Variants in CDH18 observed in about 807,000 individuals in gnomAD.
The protein encoded by CDH18 is cadherin-18.
A neutral mutation model predicts 67.9 loss-of-function variants in CDH18; 31 were observed. The observed-to-expected ratio is 0.46, with a 90% CI of 0.34 to 0.62. CDH18 has a LOEUF of 0.62. Among genes scored for constraint, CDH18 ranks in the 20% least tolerant of loss-of-function variants. The pLI, the probability that CDH18 is intolerant of heterozygous loss-of-function variation, is 0.01. For synonymous variants in CDH18, 362 were observed against 347.2 expected (o/e 1.04, Z -0.48); for missense variants, 890 against 975.5 (o/e 0.91, Z 1.17).
chr5:19,715,462 A>G (rs1206086047), intron 5 of CDH18, among the ~76,000 whole-genome samples: 1 of 152,160 alleles, frequency 6.6e-6, no homozygotes, highest in Non-Finnish European at 1.5e-5. Flanking sequence ...AGAGCATGGC[A>G]GTTTACCTCA....
intron 1 of CDH18, among the ~76,000 whole-genome samples, chr5:20,464,004 A>G (rs893560018): frequency 2.0e-5 from 3 of 152,128 alleles, no homozygotes; most frequent in Non-Finnish European, 2.9e-5. Context: ...AACAAAAACC[A>G]TGCCTTTATC....
chr5:20,501,567 ATAAT>A (rs1281724050), intron 1 of CDH18, among the ~76,000 whole-genome samples: 1 of 14,336 alleles, frequency 7.0e-5, no homozygotes, highest in African/African-American at 1.3e-4. Flanking sequence ...ATATATATAT[ATAAT>A]ATATATATAT....
chr5:20,560,466 C>CAT (rs1441773380), intron 1 of CDH18, among the ~76,000 whole-genome samples: 1 of 112,340 alleles, frequency 8.9e-6, no homozygotes, highest in Non-Finnish European at 1.8e-5. Context: ...CCCCAACACT[C>CAT]ATACACACAC....
At chr5:20,231,135 T>A (rs530570246) in intron 2 of CDH18, among the ~76,000 whole-genome samples, 1 of 152,326 alleles carries the variant, frequency 6.6e-6, no homozygotes, top group East Asian at 1.9e-4. Flanking sequence ...AAATAACTCT[T>A]ATCTACAAAA....
chr5:19,646,042 G>A lies in CDH18; in HGVS notation c.644-33441C>T, dbSNP rs575008962. On this transcript the variant is annotated intron_variant, in intron 5 of 12. Transcript: ENST00000382275. ...GATGACATGGAGATCTTCAATGTGA[G>A]GCCATCATGTCTCTACCTAAGACAG... Among the ~76,000 whole-genome samples, 3 of 152,180 alleles carry A rather than the reference G, an allele frequency of 2.0e-5. No homozygotes were observed. In the East Asian group the frequency reaches 5.8e-4, roughly 30 times the overall value.
intron 1 of CDH18, among the ~76,000 whole-genome samples, chr5:20,255,875 AT>A (rs2126613580): frequency 1.3e-5 from 2 of 149,310 alleles, no homozygotes; most frequent in African/African-American, 4.8e-5. Flanking sequence ...AATATAAACT[AT>A]TTTAGTGATT....
intron 2 of CDH18, among the ~76,000 whole-genome samples, chr5:19,861,602 G>T (rs1784919285): frequency 6.6e-6 from 1 of 152,134 alleles, no homozygotes; most frequent in Non-Finnish European, 1.5e-5. Flanking sequence ...ACAGAGTAGA[G>T]AGAGTGGTAC....
intron 2 of CDH18, among the ~76,000 whole-genome samples, chr5:19,904,080 G>T (rs1156490846): frequency 6.6e-6 from 1 of 151,554 alleles, no homozygotes; most frequent in Non-Finnish European, 1.5e-5. Flanking sequence ...TCAAGGGCAG[G>T]TTGGCTAATA....
At chr5:20,214,773 A>G (rs779850201) in intron 2 of CDH18, among the ~76,000 whole-genome samples, 4 of 152,106 alleles carry the variant, frequency 2.6e-5, no homozygotes, top group Non-Finnish European at 5.9e-5. Context: ...TTCTGTAAGT[A>G]GGAATGGGCA....
rs530269273 is a variant in CDH18 at position 20,074,203 on chromosome 5, T to C, written c.-517-82189A>G. 5.3e-5 allele frequency among the ~76,000 whole-genome samples: 8 copies of C among 152,274 alleles called. No homozygotes were observed. The South Asian group carries it at 1.7e-3, about 32-fold the overall frequency. On this transcript the variant is annotated intron_variant, in intron 2 of 14. Transcript: ENST00000507958. ...ACAATTATACACATATAGACAGATA[T>C]ACTGCTGGAAATATGGCTCATTCAT...
Position 19,918,625 on chromosome 5 carries a change from T to C in CDH18, c.-257+62435A>G, listed in dbSNP as rs1000786656. Among the ~76,000 whole-genome samples the C allele has an allele frequency of 4.6e-5, 7 of 152,202 alleles. No individual in the cohort carries two copies. In the East Asian group the frequency reaches 5.8e-4, roughly 13 times the overall value. Reference sequence around the variant, plus strand: ...CAACAAAAATGAACCGCAATAATTCTAGTAGATAATGGATAAACAAATGCT... The same window carrying C: ...CAACAAAAATGAACCGCAATAATTCCAGTAGATAATGGATAAACAAATGCT... On this transcript the variant is annotated intron_variant, in intron 2 of 12. Transcript: ENST00000382275.
intron 1 of CDH18, among the ~76,000 whole-genome samples, chr5:20,459,545 A>G (rs1751095825): frequency 6.6e-6 from 1 of 152,136 alleles, no homozygotes; most frequent in Non-Finnish European, 1.5e-5. Flanking sequence ...ATGACACTTG[A>G]TCATCTTTCC....
At chr5:19,760,785 G>A (rs1772225827) in intron 3 of CDH18, among the ~76,000 whole-genome samples, 3 of 152,150 alleles carry the variant, frequency 2.0e-5, no homozygotes, top group South Asian at 4.1e-4. Flanking sequence ...CAGAGATGAT[G>A]GGGGTGGCTC....
intron 5 of CDH18, among the ~76,000 whole-genome samples, chr5:19,624,391 T>A (rs770761323): frequency 3.3e-5 from 5 of 152,190 alleles, no homozygotes; most frequent in Non-Finnish European, 5.9e-5. Context: ...ATACAATATA[T>A]GAATATTATT....
chr5:20,412,199 A>T (rs1746846539), intron 1 of CDH18, among the ~76,000 whole-genome samples: 1 of 152,146 alleles, frequency 6.6e-6, no homozygotes, highest in Non-Finnish European at 1.5e-5. Context: ...AGATCAATGG[A>T]ACATAAACAA....
At chr5:19,608,163 T>C (rs10941384) in intron 6 of CDH18, among the ~76,000 whole-genome samples, 12,466 of 151,728 alleles carry the variant, frequency 0.082, 806 homozygotes, top group East Asian at 0.26. Context: ...AATTTACATA[T>C]GTAGAATACT....
intron 1 of CDH18, among the ~76,000 whole-genome samples, chr5:20,376,156 C>G (rs1004170169): frequency 2.3e-4 from 29 of 127,858 alleles, no homozygotes; most frequent in African/African-American, 7.9e-4. Flanking sequence ...TGCGGTGGCG[C>G]GATCTCGGCT....
intron 3 of CDH18, among the ~76,000 whole-genome samples, chr5:19,752,042 G>A (rs965723930): frequency 9.9e-5 from 15 of 152,122 alleles, no homozygotes; most frequent in Admixed American, 2.0e-4. Context: ...AGGGAGATCC[G>A]TTGCCCTTGA....
Position 19,803,695 on chromosome 5 carries a change from T to G in CDH18, c.228+35064A>C, listed in dbSNP as rs533205041. On this transcript the variant is annotated intron_variant, in intron 3 of 12. Transcript: ENST00000382275. ...AAAGCAAGAATGTTTACATTTTCAA[T>G]AAAATACATTTCTTATTTTACATTT... 4.6e-5 allele frequency: 7 copies of G among 152,346 alleles called. No individual in the cohort carries two copies. In the South Asian group the frequency reaches 1.4e-3, roughly 32 times the overall value. 9.4% of individuals were successfully genotyped at this position (152,346 alleles called of 1,614,324 possible).
Sources: allele counts gnomAD v4.1 joint callset (sites outside exome capture counted in the v4.1 genomes callset), GRCh38; gene constraint gnomAD v4.1.1; transcripts MANE v1.5; gene names NCBI Gene and HGNC (gene_info 2026-07-23, HGNC 2026-07-21).